The following GRIK2 variants were observed in gnomAD, a reference collection of about 807,000 sequenced individuals.
GRIK2 encodes glutamate receptor ionotropic, kainate 2.
GRIK2 carries 32 observed loss-of-function variants against 100.3 expected under a neutral mutation model. The ratio of observed to expected loss-of-function variants is 0.32; its 90% confidence interval spans 0.24 to 0.43. The LOEUF is 0.43. Among genes scored for constraint, GRIK2 ranks in the 20% least tolerant of loss-of-function variants. GRIK2 has a pLI of 1.00. For missense variants in GRIK2, 843 were observed against 1,114.9 expected, an observed-to-expected ratio of 0.76 and a Z score of 3.47; for synonymous variants, 417 against 389.4, an observed-to-expected ratio of 1.07 and a Z score of -0.83.
chr6:101,691,577 T>C (rs1432015906), intron 7 of GRIK2, among the ~76,000 whole-genome samples: 3 of 152,080 alleles, frequency 2.0e-5, no homozygotes, highest in Non-Finnish European at 2.9e-5. Flanking sequence ...GGATTATTTA[T>C]AGGTATGAGC....
At chr6:101,791,469 A>G (rs962167352) in intron 7 of GRIK2, among the ~76,000 whole-genome samples, 4 of 152,164 alleles carry the variant, frequency 2.6e-5, no homozygotes, top group African/African-American at 7.2e-5. Context: ...TTATGTACCC[A>G]GTAGTCATTC....
chr6:101,853,379 CAAT>C (rs1784249345), intron 10 of GRIK2, among the ~76,000 whole-genome samples: 1 of 152,118 alleles, frequency 6.6e-6, no homozygotes, highest in South Asian at 2.1e-4. Flanking sequence ...ATTAAAACAA[CAAT>C]GAGACATCAC....
At chr6:101,641,691 G>T (rs1312067981) in intron 4 of GRIK2, among the ~76,000 whole-genome samples, 1 of 151,966 alleles carries the variant, frequency 6.6e-6, no homozygotes. Flanking sequence ...GTATTTGTGT[G>T]TTAAGAAGAC....
chr6:101,631,745 A>G (rs112801942), intron 4 of GRIK2, among the ~76,000 whole-genome samples: 17 of 151,978 alleles, frequency 1.1e-4, no homozygotes, highest in African/African-American at 3.6e-4. Flanking sequence ...CCTACCCCCT[A>G]CCACTTCTTA....
chr6:102,015,901 G>A (rs1185032062), intron 14 of GRIK2, among the ~76,000 whole-genome samples: 1 of 152,080 alleles, frequency 6.6e-6, no homozygotes, highest in Admixed American at 6.6e-5. Context: ...TCTGAGCCTT[G>A]GCACCCTTAA....
At chr6:101,586,293 GA>G (rs958954927) in intron 2 of GRIK2, among the ~76,000 whole-genome samples, 7 of 147,774 alleles carry the variant, frequency 4.7e-5, no homozygotes, top group South Asian at 2.1e-4. Context: ...AGTATGAATC[GA>G]AAAAAAAAAT....
At chr6:101,511,054 C>G (rs1774290392) in intron 2 of GRIK2, among the ~76,000 whole-genome samples, 1 of 152,156 alleles carries the variant, frequency 6.6e-6, no homozygotes, top group Admixed American at 6.5e-5. Context: ...GGACTTTTTA[C>G]AAACATCCAG....
chr6:101,400,034 T>G (rs555275469), intron 2 of GRIK2, among the ~76,000 whole-genome samples: 13 of 152,308 alleles, frequency 8.5e-5, no homozygotes, highest in Non-Finnish European at 1.6e-4. Context: ...TGGAACGAAA[T>G]AGCGTCAAAA....
intron 4 of GRIK2, among the ~76,000 whole-genome samples, chr6:101,638,810 C>G (rs1019552129): frequency 1.3e-5 from 2 of 151,572 alleles, no homozygotes; most frequent in African/African-American, 4.9e-5. Context: ...ATAGTGAAAC[C>G]TAGTCTCTAC....
intron 9 of GRIK2, among the ~76,000 whole-genome samples, chr6:101,810,604 G>T (rs539269357): frequency 6.6e-6 from 1 of 152,134 alleles, no homozygotes; most frequent in East Asian, 1.9e-4. Flanking sequence ...AAGCACATAG[G>T]CTTTGCTGTA....
intron 13 of GRIK2, among the ~76,000 whole-genome samples, chr6:101,927,013 A>G (rs1475309759): frequency 6.6e-6 from 1 of 152,204 alleles, no homozygotes; most frequent in Non-Finnish European, 1.5e-5. Context: ...TTAGTGTTTC[A>G]GTGTCCGAGT....
intron 2 of GRIK2, among the ~76,000 whole-genome samples, chr6:101,460,629 G>T (rs1439112217): frequency 6.6e-6 from 1 of 152,140 alleles, no homozygotes; most frequent in Non-Finnish European, 1.5e-5. Context: ...ATAGATATTT[G>T]CAACCTCATC....
At chr6:101,764,434 T>A (rs2128393861) in intron 7 of GRIK2, among the ~76,000 whole-genome samples, 1 of 152,166 alleles carries the variant, frequency 6.6e-6, no homozygotes, top group South Asian at 2.1e-4. Context: ...ACCAGCACTC[T>A]GTGTGTGTGT....
intron 2 of GRIK2, among the ~76,000 whole-genome samples, chr6:101,574,553 A>G (rs1023159555): frequency 2.0e-5 from 3 of 150,814 alleles, no homozygotes; most frequent in African/African-American, 4.9e-5. Context: ...TGGCAAAAAA[A>G]TTGACGAATT....
At chr6:101,542,432 A>G (rs911904193) in intron 2 of GRIK2, among the ~76,000 whole-genome samples, 2 of 152,062 alleles carry the variant, frequency 1.3e-5, no homozygotes, top group Non-Finnish European at 2.9e-5. Flanking sequence ...TAATCTCTAA[A>G]GATTCTTCTT....
intron 7 of GRIK2, among the ~76,000 whole-genome samples, chr6:101,692,930 G>A (rs922237930): frequency 2.0e-5 from 3 of 151,962 alleles, no homozygotes; most frequent in African/African-American, 7.3e-5. Flanking sequence ...ATGGTAAAAG[G>A]ACATGGAGCA....
At chr6:101,694,216 G>A (rs958643890) in intron 7 of GRIK2, among the ~76,000 whole-genome samples, 1 of 152,092 alleles carries the variant, frequency 6.6e-6, no homozygotes, top group Admixed American at 6.6e-5. Flanking sequence ...GAGGTAACAA[G>A]GCATTGAACT....
chr6:101,997,287 T>A lies in GRIK2; in HGVS notation c.2086-38054T>A, dbSNP rs528779454. On this transcript the variant is annotated intron_variant, in intron 14 of 16. Transcript: ENST00000369134. Reference sequence around the variant, plus strand: ...AGTTTTAAAAATTTTAATTATTACCTTCTCAGCCCCATTGAGACCCATGCC... The same window carrying A: ...AGTTTTAAAAATTTTAATTATTACCATCTCAGCCCCATTGAGACCCATGCC... 7.9e-5 allele frequency among the ~76,000 whole-genome samples: 12 copies of A among 152,178 alleles called. 1 individual carries two copies. The East Asian group carries it at 2.3e-3, about 29-fold the overall frequency.
chr6:101,868,837 G>GA (rs1239867858), intron 11 of GRIK2, among the ~76,000 whole-genome samples: 1 of 151,618 alleles, frequency 6.6e-6, no homozygotes, highest in Non-Finnish European at 1.5e-5. Flanking sequence ...TTCCCATGTG[G>GA]AAAAAAATTC....
Sources: allele counts gnomAD v4.1 joint callset (sites outside exome capture counted in the v4.1 genomes callset), GRCh38; gene constraint gnomAD v4.1.1; transcripts MANE v1.5; gene names NCBI Gene and HGNC (gene_info 2026-07-23, HGNC 2026-07-21).